Variants in ENTREP1 observed in about 807,000 individuals in gnomAD.
ENTREP1 encodes Friedreich ataxia region gene X123.
the ENTREP1 span, chr9:69,336,399 T>C: frequency 1.7e-6 from 1 of 574,342 alleles, no homozygotes; most frequent in Non-Finnish European, 3.1e-6. Flanking sequence ...ATAGATAATA[T>C]TAGAAGTCAG....
the ENTREP1 span, among the ~76,000 whole-genome samples, chr9:69,354,440 T>C: frequency 6.6e-6 from 1 of 152,060 alleles, no homozygotes; most frequent in East Asian, 1.9e-4. Flanking sequence ...CTATTTTTAG[T>C]AGAGACAGGG....
At chr9:69,349,191 A>C in the ENTREP1 span, among the ~76,000 whole-genome samples, 839 of 6,664 alleles carry the variant, frequency 0.13, 12 homozygotes, top group African/African-American at 0.38. Flanking sequence ...TCTCAAAAAA[A>C]AAAAAAAAAA....
the ENTREP1 span, among the ~76,000 whole-genome samples, chr9:69,327,863 C>G: frequency 3.9e-5 from 6 of 152,112 alleles, no homozygotes; most frequent in African/African-American, 1.4e-4. Flanking sequence ...GTGACTTGTT[C>G]CTGAGATTGA....
At chr9:69,391,776 T>C in the ENTREP1 span, 179 of 1,611,308 alleles carry the variant, frequency 1.1e-4, no homozygotes, top group Admixed American at 9.4e-4. Context: ...CACAGCCTCA[T>C]TGGGGTCATC....
chr9:69,330,756 A>G, the ENTREP1 span, among the ~76,000 whole-genome samples: 1 of 152,178 alleles, frequency 6.6e-6, no homozygotes, highest in Non-Finnish European at 1.5e-5. Context: ...AGTCACCTTT[A>G]TAAGTTCTGT....
the ENTREP1 span, among the ~76,000 whole-genome samples, chr9:69,340,595 A>ATGCGTGTGTGTGCG: frequency 6.9e-6 from 1 of 145,588 alleles, no homozygotes; most frequent in African/African-American, 2.5e-5. Flanking sequence ...GTATGTGTGC[A>ATGCGTGTGTGTGCG]TGCATGTGTG....
At chr9:69,326,978 G>A in the ENTREP1 span, among the ~76,000 whole-genome samples, 5 of 145,446 alleles carry the variant, frequency 3.4e-5, no homozygotes, top group South Asian at 1.2e-3. Flanking sequence ...GGCTTTTGCA[G>A]TTTCACACAT....
chr9:69,325,147 G>T, the ENTREP1 span: 1 of 1,037,632 alleles, frequency 9.6e-7, no homozygotes. Flanking sequence ...GGCAGCGGCA[G>T]CGGCGGCAGC....
chr9:69,390,662 C>A, the ENTREP1 span, among the ~76,000 whole-genome samples: 15 of 152,266 alleles, frequency 9.9e-5, no homozygotes, highest in African/African-American at 3.4e-4. Flanking sequence ...TTTTTTGAAA[C>A]AAGGTCTCCG....
the ENTREP1 span, chr9:69,383,599 G>A: frequency 3.2e-5 from 51 of 1,613,448 alleles, no homozygotes; most frequent in South Asian, 8.8e-5. Context: ...TCTGTAGAAC[G>A]TGCTTTCTGA....
chr9:69,362,238 T>C, the ENTREP1 span, among the ~76,000 whole-genome samples: 2 of 152,104 alleles, frequency 1.3e-5, no homozygotes. Flanking sequence ...TGAAATCTTG[T>C]ATCAAACAAT....
chr9:69,372,228 C>T, the ENTREP1 span, among the ~76,000 whole-genome samples: 1 of 152,102 alleles, frequency 6.6e-6, no homozygotes, highest in Non-Finnish European at 1.5e-5. Flanking sequence ...CCATCTTAAC[C>T]ATTTTTAAGT....
the ENTREP1 span, among the ~76,000 whole-genome samples, chr9:69,338,587 CTG>C: frequency 6.6e-6 from 1 of 152,160 alleles, no homozygotes; most frequent in Non-Finnish European, 1.5e-5. Flanking sequence ...GAAAATGGCC[CTG>C]TCTTATTACA....
the ENTREP1 span, among the ~76,000 whole-genome samples, chr9:69,336,915 G>A: frequency 6.6e-6 from 1 of 151,442 alleles, no homozygotes; most frequent in Admixed American, 6.6e-5. Context: ...GGTCAGGCTG[G>A]TCTCAAACTC....
At chr9:69,371,786 T>G in the ENTREP1 span, among the ~76,000 whole-genome samples, 1 of 152,162 alleles carries the variant, frequency 6.6e-6, no homozygotes, top group African/African-American at 2.4e-5. Flanking sequence ...ACCCAAGTTG[T>G]CGATTACTTT....
At chr9:69,329,547 G>T in the ENTREP1 span, 5 of 985,002 alleles carry the variant, frequency 5.1e-6, no homozygotes, top group African/African-American at 8.7e-5. Context: ...AACTTGAAGG[G>T]AGAGTTTTTA....
At chr9:69,358,902 C>CTTTTTTTTTTT in the ENTREP1 span, among the ~76,000 whole-genome samples, 3 of 96,368 alleles carry the variant, frequency 3.1e-5, no homozygotes, top group Admixed American at 2.3e-4. Context: ...CTTTTTCTTT[C>CTTTTTTTTTTT]TTTTTTTTTT....
the ENTREP1 span, chr9:69,371,563 G>A: frequency 1.2e-6 from 2 of 1,613,794 alleles, no homozygotes; most frequent in Non-Finnish European, 8.5e-7. Context: ...TTTATCCTAG[G>A]CTGCCAAGGG....
the ENTREP1 span, among the ~76,000 whole-genome samples, chr9:69,359,887 C>T: frequency 6.6e-6 from 1 of 151,732 alleles, no homozygotes; most frequent in African/African-American, 2.4e-5. Flanking sequence ...TTGACAAGTA[C>T]ATTTGTTGAG....
Sources: allele counts gnomAD v4.1 joint callset (sites outside exome capture counted in the v4.1 genomes callset), GRCh38; gene constraint gnomAD v4.1.1; transcripts MANE v1.5; gene names NCBI Gene and HGNC (gene_info 2026-07-23, HGNC 2026-07-21).